Variants in LPP observed in about 807,000 individuals in gnomAD.
LPP encodes LIM domain containing preferred translocation partner in lipoma.
LPP carries 38 observed loss-of-function variants against 60.4 expected under a neutral mutation model. The observed-to-expected ratio is 0.63, with a 90% CI of 0.49 to 0.83. The LOEUF (loss-of-function observed/expected upper bound fraction) is 0.83. Ranked by LOEUF, LPP falls within the 40% of genes least tolerant of loss-of-function variation. The pLI is 0.00. For synonymous variants in LPP, 328 were observed against 290.8 expected (o/e 1.13, Z -1.30); for missense variants, 902 against 783.6 (o/e 1.15, Z -1.80).
rs114036628 is a variant in LPP, at chr3:188,534,227, C to T, written c.429+9440C>T. On this transcript the variant is annotated intron_variant, in intron 6 of 11. Transcript: ENST00000617246. ...GGGTTGTCTTCTGTGGTTCTCTAGCCATGGTCCTTGTGGTAGCCTTTAACT... is the reference window on the plus strand; with the variant it reads ...GGGTTGTCTTCTGTGGTTCTCTAGCTATGGTCCTTGTGGTAGCCTTTAACT... Among the ~76,000 whole-genome samples the T allele has an allele frequency of 5.7e-3, 872 of 152,344 alleles. 10 individuals are homozygous for T. The highest frequency in any genetic ancestry group is 0.02 in the African/African-American group (838 of 41,582).
Position 188,875,002 on chromosome 3 carries a change from G to A in LPP, c.*523G>A. 1 of 224,036 alleles carries A rather than the reference G, an allele frequency of 4.5e-6. No individual in the cohort carries two copies. Among genetic ancestry groups the A allele is most frequent in the Non-Finnish European group, 8.9e-6 (1 of 112,302 alleles). The allele number at this position is 224,036 out of a possible 1,614,324, so 13.9% of individuals were successfully genotyped here. ...TACTCACGTCCTTGGGGAGGGAAAT[G>A]CACAATTTTTTTTTGTTAGGCTGTA... is the stretch of plus-strand genomic sequence containing the variant. On this transcript the variant is annotated 3_prime_UTR_variant, in exon 12 of 12. Coordinates refer to ENST00000617246, the MANE Select transcript of LPP (RefSeq NM_001375462.1).
intron 10 of LPP, among the ~76,000 whole-genome samples, chr3:188,872,298 G>A (rs551501372): frequency 1.3e-5 from 2 of 152,214 alleles, no homozygotes; most frequent in East Asian, 3.9e-4. Flanking sequence ...AATAGGGGCT[G>A]GACAGGACTT....
chr3:188,475,409 C>A (rs867886722), intron 4 of LPP, among the ~76,000 whole-genome samples: 1 of 152,104 alleles, frequency 6.6e-6, no homozygotes. Flanking sequence ...TTTAAAGTAT[C>A]TTATTTTTGG....
intron 4 of LPP, among the ~76,000 whole-genome samples, chr3:188,438,365 A>T (rs774890828): frequency 0.022 from 3,137 of 145,162 alleles, 54 homozygotes; most frequent in African/African-American, 0.035. Context: ...ACACACACAC[A>T]CACACACACA....
chr3:188,178,574 ACCTTTATGGTTCT>A (rs1404587222), intron 1 of LPP: 1 of 152,208 alleles, frequency 6.6e-6, no homozygotes, highest in African/African-American at 2.4e-5. Context: ...GCAATCATTT[ACCTTTATGGTTCT>A]CTTAACTTCA....
intron 5 of LPP, among the ~76,000 whole-genome samples, chr3:188,491,026 C>G (rs1328348814): frequency 6.6e-6 from 1 of 152,068 alleles, no homozygotes; most frequent in African/African-American, 2.4e-5. Context: ...CTCCCAAGTG[C>G]TGGGATTACA....
Position 188,890,404 on chromosome 3 carries a change from A to G in LPP, c.*15925A>G, listed in dbSNP as rs1037724063. On this transcript the variant is annotated 3_prime_UTR_variant, in exon 12 of 12. Transcript: ENST00000617246. ...CTACATTACAAACCATCACTGATGT[A>G]TCCAAAATAGCACACATAGTTCAGT... is the stretch of plus-strand genomic sequence containing the variant. 4.9e-6 allele frequency: 1 copy of G among 202,110 alleles called. No homozygotes were observed. The highest frequency in any genetic ancestry group is 1.0e-5 in the Non-Finnish European group (1 of 98,302). 12.5% of individuals were successfully genotyped at this position (202,110 alleles called of 1,614,324 possible). A position where few individuals can be genotyped will look rare whatever the true frequency, so the allele number is the denominator to read the frequency against.
At chr3:188,304,164 T>C (rs1427695503) in intron 2 of LPP, among the ~76,000 whole-genome samples, 1 of 152,226 alleles carries the variant, frequency 6.6e-6, no homozygotes, top group African/African-American at 2.4e-5. Flanking sequence ...TTGTTGCTTT[T>C]GAATTTCTGG....
At chr3:188,169,481 T>TAC (rs1203732233) in intron 1 of LPP, among the ~76,000 whole-genome samples, 1 of 152,248 alleles carries the variant, frequency 6.6e-6, no homozygotes, top group Non-Finnish European at 1.5e-5. Context: ...GCTGTGATTC[T>TAC]GTAAGACAGT....
At chr3:188,416,698 C>T (rs1233828536) in intron 4 of LPP, among the ~76,000 whole-genome samples, 3 of 152,142 alleles carry the variant, frequency 2.0e-5, no homozygotes, top group Non-Finnish European at 4.4e-5. Flanking sequence ...CAATCGTTTG[C>T]ATATGTTGTC....
intron 2 of LPP, among the ~76,000 whole-genome samples, chr3:188,334,519 C>T (rs936385878): frequency 1.7e-4 from 24 of 141,844 alleles, no homozygotes; most frequent in African/African-American, 6.2e-4. Context: ...GCCTCCTGGC[C>T]TCCTGGGTTC....
chr3:188,249,902 T>TATA (rs1491332868), intron 2 of LPP, among the ~76,000 whole-genome samples: 24 of 80,454 alleles, frequency 3.0e-4, no homozygotes, highest in African/African-American at 7.7e-4. Flanking sequence ...TATATATATA[T>TATA]TTTTTTTTTT....
intron 7 of LPP, among the ~76,000 whole-genome samples, chr3:188,671,935 TA>T (rs2149264009): frequency 1.3e-5 from 2 of 152,344 alleles, no homozygotes; most frequent in South Asian, 4.1e-4. Context: ...GTGGAGCATC[TA>T]ATTATAAAGA....
chr3:188,715,364 G>C (rs1323439849), intron 8 of LPP, among the ~76,000 whole-genome samples: 2 of 120,366 alleles, frequency 1.7e-5, no homozygotes, highest in Non-Finnish European at 3.2e-5. Flanking sequence ...GTGACAGAGG[G>C]AGACTCCGTC....
chr3:188,652,053 C>CA (rs1470618004), intron 7 of LPP, among the ~76,000 whole-genome samples: 1 of 152,174 alleles, frequency 6.6e-6, no homozygotes, highest in Non-Finnish European at 1.5e-5. Context: ...TCTAAAGCCA[C>CA]AGGACTGTCC....
intron 5 of LPP, among the ~76,000 whole-genome samples, chr3:188,514,931 G>C (rs1192815361): frequency 6.6e-6 from 1 of 152,150 alleles, no homozygotes; most frequent in East Asian, 1.9e-4. Context: ...ACAAAGAATG[G>C]GGGCAGGACC....
At chr3:188,672,102 T>A (rs1396570456) in intron 7 of LPP, among the ~76,000 whole-genome samples, 1 of 152,220 alleles carries the variant, frequency 6.6e-6, no homozygotes, top group African/African-American at 2.4e-5. Flanking sequence ...GGTATCAAAC[T>A]GAACAAGTCT....
intron 6 of LPP, among the ~76,000 whole-genome samples, chr3:188,581,738 C>T (rs1270873495): frequency 6.6e-6 from 1 of 152,090 alleles, no homozygotes; most frequent in Non-Finnish European, 1.5e-5. Flanking sequence ...CCTCCTAAAT[C>T]GTAAAAATTA....
At position 188,459,208 on chromosome 3, in the gene LPP, A is replaced by G. The variant is rs756028636; in HGVS notation, c.194-25384A>G. 2.6e-5 allele frequency among the ~76,000 whole-genome samples: 4 copies of G among 152,126 alleles called. No individual in the cohort carries two copies. The South Asian group carries it at 6.2e-4, about 24-fold the overall frequency. ...ATTACAGAGACTTCCGCCATTCCCTAAATCTAAGGAGGGGGTTGTTTGTAT... is the reference window on the plus strand; with the variant it reads ...ATTACAGAGACTTCCGCCATTCCCTGAATCTAAGGAGGGGGTTGTTTGTAT... On this transcript the variant is annotated intron_variant, in intron 4 of 11. Transcript: ENST00000617246.
Sources: allele counts gnomAD v4.1 joint callset (sites outside exome capture counted in the v4.1 genomes callset), GRCh38; gene constraint gnomAD v4.1.1; transcripts MANE v1.5; gene names NCBI Gene and HGNC (gene_info 2026-07-23, HGNC 2026-07-21).